Variants in GPBP1 observed in about 807,000 individuals in gnomAD.
GPBP1 encodes the protein GC-rich promoter binding protein 1.
GPBP1 carries 13 observed loss-of-function variants against 56.5 expected under a neutral mutation model. That is an observed-to-expected ratio of 0.23 (90% CI 0.15 to 0.37). The LOEUF (loss-of-function observed/expected upper bound fraction) is 0.37, where lower values mean the gene tolerates loss of function less well. Ranked by LOEUF, GPBP1 falls within the 10% of genes least tolerant of loss-of-function variation. GPBP1 has a pLI of 1.00. For synonymous variants in GPBP1, 204 were observed against 188.9 expected (o/e 1.08, Z -0.66); for missense variants, 477 against 572.3 (o/e 0.83, Z 1.70).
At chr5:57,227,527 A>T (rs1286263518) in intron 3 of GPBP1, among the ~76,000 whole-genome samples, 1 of 152,220 alleles carries the variant, frequency 6.6e-6, no homozygotes, top group Non-Finnish European at 1.5e-5. Flanking sequence ...CCAAGAATGC[A>T]AAATCTTGAC....
intron 2 of GPBP1, among the ~76,000 whole-genome samples, chr5:57,203,006 A>G (rs1389913567): frequency 1.3e-5 from 2 of 152,208 alleles, no homozygotes; most frequent in South Asian, 4.1e-4. Flanking sequence ...GAAGCTCAAT[A>G]AGTAGAAATT....
chr5:57,194,035 A>G (rs1754643560), intron 2 of GPBP1, among the ~76,000 whole-genome samples: 1 of 152,226 alleles, frequency 6.6e-6, no homozygotes, highest in South Asian at 2.1e-4. Flanking sequence ...TACAAGTAGT[A>G]GCATCATGTC....
In GPBP1 at chr5:57,247,182, G is replaced by A; in HGVS notation, c.771G>A (p.Lys257=). ...GNFNAFKSTA[K]NFSPSTNSVK... ...TTAATGCTTTTAAATCAACTGCCAA[G>A]AACTTTAGTCCATCTACAAATTCAG... Residue 257 remains lysine (K), a synonymous_variant, in exon 8 of 12, where the codon AAG becomes AAA. Transcript: ENST00000506184. 1 of 1,613,570 alleles carries A rather than the reference G, an allele frequency of 6.2e-7. No individual in the cohort carries two copies. Among genetic ancestry groups the A allele is most frequent in the Non-Finnish European group, 8.5e-7 (1 of 1,179,738 alleles).
At chr5:57,188,457 C>G (rs1259117406) in intron 2 of GPBP1, among the ~76,000 whole-genome samples, 1 of 152,028 alleles carries the variant, frequency 6.6e-6, no homozygotes, top group Non-Finnish European at 1.5e-5. Flanking sequence ...GTGCTACACT[C>G]AGGCTGGACA....
At chr5:57,210,094 T>A (rs1056075722) in intron 2 of GPBP1, among the ~76,000 whole-genome samples, 1 of 152,332 alleles carries the variant, frequency 6.6e-6, no homozygotes, top group Middle Eastern at 3.4e-3. Context: ...ACAAATTTGG[T>A]AGGGTCAGAA....
Position 57,230,941 on chromosome 5 carries a change from T to C in GPBP1, c.159T>C (p.Phe53=). 2 of 1,611,886 alleles carry C rather than the reference T, an allele frequency of 1.2e-6. No individual in the cohort carries two copies. The highest frequency in any genetic ancestry group is 1.3e-5 in the African/African-American group (1 of 74,994). The change falls in exon 4 of 12, where the codon TTT becomes TTC. Residue 53 remains phenylalanine, a synonymous_variant. Coordinates refer to ENST00000506184, the MANE Select transcript of GPBP1 (RefSeq NM_022913.4). ...GACGACACAACTCTTCAGATGGCTT[T>C]GATTCTGCTATTGGGCGTCCTAATG... ...NRRRHNSSDG[F]DSAIGRPNGG...
At chr5:57,262,088 CTT>C (rs1026554929) in intron 11 of GPBP1, among the ~76,000 whole-genome samples, 5 of 152,106 alleles carry the variant, frequency 3.3e-5, no homozygotes, top group Admixed American at 6.6e-5. Context: ...GGCCAACTAT[CTT>C]TTTTCTTCTT....
intron 6 of GPBP1, among the ~76,000 whole-genome samples, chr5:57,237,708 T>C (rs1230914267): frequency 6.6e-6 from 1 of 152,204 alleles, no homozygotes; most frequent in East Asian, 1.9e-4. Context: ...TCCCAAGTAT[T>C]GTTTTCCCTA....
At chr5:57,216,413 G>C (rs1466540695) in intron 3 of GPBP1, among the ~76,000 whole-genome samples, 1 of 152,048 alleles carries the variant, frequency 6.6e-6, no homozygotes, top group Non-Finnish European at 1.5e-5. Flanking sequence ...TATAACTGGG[G>C]AAAACGATTA....
At chr5:57,183,284 T>G (rs1039431054) in intron 2 of GPBP1, among the ~76,000 whole-genome samples, 1 of 152,154 alleles carries the variant, frequency 6.6e-6, no homozygotes, top group Admixed American at 6.5e-5. Flanking sequence ...GGAGAGTCGC[T>G]TGAACCCAGG....
At chr5:57,212,206 A>G (rs973699660) in intron 2 of GPBP1, among the ~76,000 whole-genome samples, 1 of 152,142 alleles carries the variant, frequency 6.6e-6, no homozygotes, top group Admixed American at 6.6e-5. Flanking sequence ...GGGATTATAC[A>G]TGATTCCAGC....
In GPBP1 at chr5:57,218,050, A is replaced by AGACCT. The variant is rs568722954; in HGVS notation, c.63+3859_63+3863dup. Among the ~76,000 whole-genome samples, 10 of 152,188 alleles carry AGACCT rather than the reference A, an allele frequency of 6.6e-5. No homozygotes were observed. In the South Asian group the frequency reaches 1.9e-3, roughly 28 times the overall value. On this transcript the variant is annotated intron_variant, in intron 3 of 11. Coordinates refer to ENST00000506184, the MANE Select transcript of GPBP1 (RefSeq NM_022913.4). The stretch of plus-strand genomic sequence containing the variant: ...GGTGTTTTGACTTTTCTAGACTATA[A>AGACCT]GACCTGTGTAAAAGAAAAAAAAACA...
In GPBP1 at chr5:57,230,918, C is replaced by T. The variant is rs757021277; in HGVS notation, c.136C>T (p.Arg46Ter). The change falls in exon 4 of 12, where the codon CGA becomes TGA. Residue 46 changes from arginine (R) to a stop codon, truncating the protein, a stop_gained. Coordinates refer to ENST00000506184, the MANE Select transcript of GPBP1 (RefSeq NM_022913.4). LOFTEE classifies it high-confidence loss of function. ...GAATCGTTATGATGTGAACCGTCGA[C>T]GACACAACTCTTCAGATGGCTTTGA... ...TENRYDVNRR[R>*]HNSSDGFDSA... The T allele has an allele frequency of 2.5e-6, 4 of 1,612,498 alleles. No individual in the cohort carries two copies. The highest frequency in any genetic ancestry group is 2.5e-6 in the Non-Finnish European group (3 of 1,179,322).
chr5:57,218,308 T>C (rs532779524), intron 3 of GPBP1, among the ~76,000 whole-genome samples: 13 of 152,328 alleles, frequency 8.5e-5, no homozygotes, highest in African/African-American at 3.1e-4. Context: ...CAGTCACCAG[T>C]ACTCCTCACT....
In GPBP1 at chr5:57,235,985, A is replaced by G. The variant is rs1410481048; in HGVS notation, c.431A>G (p.Tyr144Cys). The change falls in exon 6 of 12, where the codon TAT becomes TGT. Residue 144 changes from tyrosine to cysteine, a missense_variant. By Grantham distance (194) the Tyr-to-Cys change is radical (BLOSUM62 -2). Coordinates refer to ENST00000506184, the MANE Select transcript of GPBP1 (RefSeq NM_022913.4). ...TTCCAGCCGTCTTTAAATCCTGAGTATGAGAGAGAACCAAATCACAATAAG... is the reference window on the plus strand; with the variant it reads ...TTCCAGCCGTCTTTAAATCCTGAGTGTGAGAGAGAACCAAATCACAATAAG... Reference protein sequence around the residue: ...AEDFPSLNPEYEREPNHNKSL... With the variant: ...AEDFPSLNPECEREPNHNKSL... The G allele has an allele frequency of 6.2e-7, 1 of 1,611,564 alleles. No individual in the cohort carries two copies. Among genetic ancestry groups the G allele is most frequent in the Non-Finnish European group, 8.5e-7 (1 of 1,177,906 alleles).
intron 8 of GPBP1, among the ~76,000 whole-genome samples, chr5:57,248,200 T>C (rs985429386): frequency 3.9e-5 from 6 of 152,084 alleles, no homozygotes; most frequent in African/African-American, 9.7e-5. Flanking sequence ...TTAACACTGA[T>C]TGGGGGGAAA....
chr5:57,252,013 C>A (rs185016117), intron 10 of GPBP1, among the ~76,000 whole-genome samples: 1 of 152,242 alleles, frequency 6.6e-6, no homozygotes, highest in African/African-American at 2.4e-5. Flanking sequence ...CATTTTCTTA[C>A]TAAGTTGTAA....
At chr5:57,197,066 C>G (rs1016171349) in intron 2 of GPBP1, among the ~76,000 whole-genome samples, 4 of 151,898 alleles carry the variant, frequency 2.6e-5, no homozygotes, top group African/African-American at 9.7e-5. Flanking sequence ...TAGGCGTGAG[C>G]CACCACGCCC....
intron 3 of GPBP1, among the ~76,000 whole-genome samples, chr5:57,227,996 T>G (rs1580045759): frequency 6.6e-6 from 1 of 152,182 alleles, no homozygotes; most frequent in East Asian, 1.9e-4. Context: ...TGAATTAAGG[T>G]TACTAGAAAT....
Sources: gnomAD v4.1 joint callset for allele counts (sites outside exome capture counted in the v4.1 genomes callset) on GRCh38, gnomAD v4.1.1 for gene constraint, MANE v1.5 for transcripts, NCBI Gene and HGNC (gene_info 2026-07-23, HGNC 2026-07-21) for gene names.